Variants in LMAN2L observed in about 807,000 individuals in gnomAD.
LMAN2L encodes the protein lectin, mannose binding 2 like.
In LMAN2L, 30 loss-of-function variants were observed where a neutral mutation model predicts 44.3. The observed-to-expected ratio is 0.68, with a 90% CI of 0.51 to 0.92. LMAN2L has a LOEUF of 0.92. LMAN2L is among the 40% of genes least tolerant of loss of function. The pLI, the probability that LMAN2L is intolerant of heterozygous loss-of-function variation, is 0.00. For missense variants in LMAN2L, 429 were observed against 446.1 expected (o/e 0.96, Z 0.35); for synonymous variants, 183 against 171.1 (o/e 1.07, Z -0.54).
intron 4 of LMAN2L, chr2:96,713,157 G>A (rs2077965663): frequency 1.3e-6 from 2 of 1,550,444 alleles, no homozygotes; most frequent in Non-Finnish European, 1.7e-6. Context: ...GGTCCAGCAG[G>A]TTATGATAAA....
intron 4 of LMAN2L, among the ~76,000 whole-genome samples, chr2:96,728,126 T>C (rs1424456085): frequency 1.3e-5 from 2 of 152,326 alleles, no homozygotes; most frequent in East Asian, 1.9e-4. Flanking sequence ...TAGATAGTTG[T>C]AGGGTGTTGG....
At chr2:96,730,466 A>G (rs984297235) in intron 4 of LMAN2L, among the ~76,000 whole-genome samples, 2 of 152,034 alleles carry the variant, frequency 1.3e-5, no homozygotes, top group East Asian at 1.9e-4. Flanking sequence ...GCTCTCATCT[A>G]AACAGTTCAG....
At chr2:96,720,268 A>C (rs1360222167) in intron 4 of LMAN2L, among the ~76,000 whole-genome samples, 1 of 152,156 alleles carries the variant, frequency 6.6e-6, no homozygotes, top group Non-Finnish European at 1.5e-5. Flanking sequence ...ATGAAGGCCA[A>C]GACCGCAACG....
At chr2:96,717,723 C>T (rs2153324698) in intron 4 of LMAN2L, among the ~76,000 whole-genome samples, 1 of 151,486 alleles carries the variant, frequency 6.6e-6, no homozygotes, top group African/African-American at 2.4e-5. Context: ...CCTGTAATCC[C>T]AGCTACTCAG....
At chr2:96,722,304 T>C (rs530640841) in intron 4 of LMAN2L, among the ~76,000 whole-genome samples, 6 of 152,074 alleles carry the variant, frequency 3.9e-5, no homozygotes, top group African/African-American at 1.4e-4. Flanking sequence ...CGTTATAATA[T>C]ATAATGAAAT....
chr2:96,725,258 C>A (rs1049113328), intron 4 of LMAN2L, among the ~76,000 whole-genome samples: 2 of 151,944 alleles, frequency 1.3e-5, no homozygotes, highest in African/African-American at 4.8e-5. Context: ...TGAGCCACCA[C>A]GCCTGGCCTA....
At chr2:96,721,161 C>T (rs2078145437) in intron 4 of LMAN2L, among the ~76,000 whole-genome samples, 1 of 152,092 alleles carries the variant, frequency 6.6e-6, no homozygotes, top group African/African-American at 2.4e-5. Context: ...CCCTAGACAA[C>T]CACTAATCTA....
At chr2:96,735,199 G>C (rs1362040238) in intron 2 of LMAN2L, among the ~76,000 whole-genome samples, 1 of 152,142 alleles carries the variant, frequency 6.6e-6, no homozygotes, top group African/African-American at 2.4e-5. Context: ...GTTTTAAATA[G>C]TTGAACGGTT....
intron 4 of LMAN2L, among the ~76,000 whole-genome samples, chr2:96,717,977 T>C (rs910581233): frequency 6.6e-6 from 1 of 152,180 alleles, no homozygotes; most frequent in Non-Finnish European, 1.5e-5. Context: ...TCTTTTGAGA[T>C]GAAGTCTCAC....
rs533824064 is a variant in LMAN2L at position 96,707,495 on chromosome 2, T to A, written c.905-97A>T. 6.0e-4 allele frequency: 832 copies of A among 1,397,124 alleles called. 13 individuals are homozygous for A. The South Asian group carries it at 7.7e-3, about 13-fold the overall frequency. 86.5% of individuals were successfully genotyped at this position (1,397,124 alleles called of 1,614,324 possible). A position where few individuals can be genotyped will look rare whatever the true frequency, so the allele number is the denominator to read the frequency against. ...TGTCCGGCCCCCAGTTTCTGACACC[T>A]ACTTCTGGGAAGCCAGAGCTTAGAC... On this transcript the variant is annotated intron_variant, in intron 7 of 7. Transcript: ENST00000264963.
intron 6 of LMAN2L, 94 bp from the exon 7 acceptor site, chr2:96,707,927 C>CTGTGGA: frequency 1.5e-6 from 2 of 1,313,472 alleles, no homozygotes; most frequent in East Asian, 2.3e-5. Flanking sequence ...TGATCCACAG[C>CTGTGGA]TAACCAGCAG....
At position 96,724,569 on chromosome 2, in the gene LMAN2L, G is replaced by A. The variant is rs140680523; in HGVS notation, c.507+8950C>T. 2.1e-3 allele frequency among the ~76,000 whole-genome samples: 323 copies of A among 152,198 alleles called. 1 individual carries two copies. Among genetic ancestry groups the A allele is most frequent in the African/African-American group, 7.2e-3 (299 of 41,542 alleles). On this transcript the variant is annotated intron_variant, in intron 4 of 7. Transcript: ENST00000264963. ...TACTGAGGCTAGAGTGCAGCGATGC[G>A]ATCGTGGCTCACTGTGGACTCACCC...
intron 4 of LMAN2L, among the ~76,000 whole-genome samples, chr2:96,719,507 G>A (rs1333601114): frequency 2.0e-5 from 3 of 151,978 alleles, no homozygotes; most frequent in African/African-American, 7.3e-5. Flanking sequence ...CTAGCACTTC[G>A]GGAGGCCAAG....
intron 4 of LMAN2L, among the ~76,000 whole-genome samples, chr2:96,725,243 A>T (rs1382880357): frequency 6.6e-6 from 1 of 151,846 alleles, no homozygotes; most frequent in Non-Finnish European, 1.5e-5. Context: ...TTGGGATTAC[A>T]GGTGTGAGCC....
intron 1 of LMAN2L, among the ~76,000 whole-genome samples, chr2:96,738,781 C>T (rs2078571410): frequency 6.6e-6 from 1 of 151,814 alleles, no homozygotes; most frequent in African/African-American, 2.4e-5. Flanking sequence ...CGCTCTGTTG[C>T]CCAGGCTGAA....
At chr2:96,711,795 AG>A (rs1477131808) in intron 5 of LMAN2L, 25 bp from the exon 6 acceptor site, 2 of 1,612,542 alleles carry the variant, frequency 1.2e-6, no homozygotes, top group African/African-American at 1.3e-5. Context: ...GAGATAAATC[AG>A]GGTCAGGCCA....
intron 2 of LMAN2L, among the ~76,000 whole-genome samples, chr2:96,736,960 C>T (rs1172521686): frequency 1.3e-5 from 2 of 152,198 alleles, no homozygotes; most frequent in East Asian, 3.9e-4. Flanking sequence ...AGAAATCGTT[C>T]TCTTTTCTGA....
At chr2:96,739,061 A>T (rs574405497) in intron 1 of LMAN2L, among the ~76,000 whole-genome samples, 1 of 152,276 alleles carries the variant, frequency 6.6e-6, no homozygotes, top group African/African-American at 2.4e-5. Flanking sequence ...TCTTTAAACA[A>T]TCCTTAAAGT....
At chr2:96,712,160 G>T in intron 4 of LMAN2L, 135 bp from the exon 5 acceptor site, 1 of 815,358 alleles carries the variant, frequency 1.2e-6, no homozygotes, top group Non-Finnish European at 1.9e-6. Flanking sequence ...CTCATTGTCA[G>T]CAGCCCCTGA....
Sources: allele counts gnomAD v4.1 joint callset (sites outside exome capture counted in the v4.1 genomes callset), GRCh38; gene constraint gnomAD v4.1.1; transcripts MANE v1.5; gene names NCBI Gene and HGNC (gene_info 2026-07-23, HGNC 2026-07-21).